MYO15B: variants seen among roughly 807,000 people sequenced by gnomAD.
MYO15B encodes the protein myosin XVB.
In MYO15B, 207 loss-of-function variants were observed where a neutral mutation model predicts 119.3. The ratio of observed to expected loss-of-function variants is 1.73; its 90% confidence interval spans 1.55 to 1.95. MYO15B has a LOEUF of 1.95. Ranked by LOEUF, MYO15B falls within the 30% of genes most tolerant of loss-of-function variation. The pLI is 0.00. For missense variants in MYO15B, 2,264 were observed against 1,203.1 expected, an observed-to-expected ratio of 1.88 and a Z score of -13.04; for synonymous variants, 966 against 498.9, an observed-to-expected ratio of 1.94 and a Z score of -12.48.
rs530754513 is a variant in MYO15B, at chr17:75,598,834, A to G, written c.3525+1935A>G. Among the ~76,000 whole-genome samples the G allele has an allele frequency of 7.9e-5, 12 of 151,390 alleles. No homozygotes were observed. The South Asian group carries it at 2.5e-3, about 32-fold the overall frequency. ...CGAGTGTCTTTGAGGTCCCAAGATC[A>G]CTTTTGGAATCCCCCAGCATGGATT... On this transcript the variant is annotated intron_variant, in intron 14 of 63. Coordinates refer to ENST00000645453, the Ensembl canonical transcript of MYO15B.
intron 14 of MYO15B, among the ~76,000 whole-genome samples, chr17:75,597,197 G>A (rs11657018): frequency 0.21 from 32,300 of 152,182 alleles, 4,179 homozygotes; most frequent in Non-Finnish European, 0.3. Context: ...GCAAGGTGGC[G>A]GGGACTGCAC....
chr17:75,608,742 T>C (rs2057813796), intron 21 of MYO15B, among the ~76,000 whole-genome samples: 1 of 151,534 alleles, frequency 6.6e-6, no homozygotes, highest in South Asian at 2.1e-4. Context: ...GTTGTTGTTG[T>C]TTTTCTTTTG....
chr17:75,624,063 A>C, exon 55 of MYO15B: 1 of 703,068 alleles, frequency 1.4e-6, no homozygotes, highest in Non-Finnish European at 2.6e-6. Context: ...GCCCCAGCCA[A>C]GGTGCCCGTG....
At position 75,623,772 on chromosome 17, in the gene MYO15B, T is replaced by C; in HGVS notation, c.8083-9T>C. The stretch of plus-strand genomic sequence containing the variant: ...TCCCTCACCCCACCTGCCCTTCCTG[T>C]CCCCACAGCTGTGCCAGCAGGAGAA... On this transcript the variant is annotated splice_polypyrimidine_tract_variant and intron_variant, in intron 53 of 63. Transcript: ENST00000645453. The C allele has an allele frequency of 1.4e-6, 1 of 703,088 alleles. No individual in the cohort carries two copies. The allele number at this position is 703,088 out of a possible 1,614,324, so 43.6% of individuals were successfully genotyped here.
chr17:75,613,171 C>G, exon 27 of MYO15B: 2 of 701,018 alleles, frequency 2.9e-6, no homozygotes, highest in Non-Finnish European at 5.2e-6. Context: ...TGCTCAGCGC[C>G]TTTCCCCCAC....
At chr17:75,592,714 C>G in exon 9 of MYO15B, 2 of 701,914 alleles carry the variant, frequency 2.8e-6, no homozygotes, top group South Asian at 1.5e-5. Flanking sequence ...AGGAGGATGC[C>G]CAGGACTTTG....
chr17:75,618,562 T>C (rs144150658), intron 43 of MYO15B, among the ~76,000 whole-genome samples: 3,336 of 152,278 alleles, frequency 0.022, 101 homozygotes, highest in African/African-American at 0.071. Context: ...GGCAGGAGAA[T>C]TGCTTGAACC....
chr17:75,592,641 G>A lies in MYO15B; in HGVS notation c.2830-38G>A, dbSNP rs1205472225. 4.5e-6 allele frequency: 3 copies of A among 672,180 alleles called. No individual in the cohort carries two copies. In the Admixed American group the frequency reaches 6.3e-5, roughly 14 times the overall value. 41.6% of individuals were successfully genotyped at this position (672,180 alleles called of 1,614,324 possible). On this transcript the variant is annotated intron_variant, in intron 8 of 63. Transcript: ENST00000645453. The stretch of plus-strand genomic sequence containing the variant: ...CCGGAGTAGAGGGAGGCTATGGGGT[G>A]GCAGGCCCCGCTCCCTCACCCCTGC...
chr17:75,619,984 G>A (rs1281503062), exon 47 of MYO15B: 5 of 702,632 alleles, frequency 7.1e-6, no homozygotes, highest in Admixed American at 2.0e-5. Flanking sequence ...GGGCCATCGA[G>A]GCGCTGGTTG....
chr17:75,625,160 G>C, exon 60 of MYO15B: 1 of 702,208 alleles, frequency 1.4e-6, no homozygotes. Flanking sequence ...CTGCCAGTCA[G>C]CGCCAAGGCA....
In MYO15B at chr17:75,607,932, C is replaced by G. The variant is rs185780109; in HGVS notation, c.4292+1911C>G. ...GCAATGTACAAGGGTTCCAGTTTCTCTACATCCTTGCCAGTACTTATTCTT... is the reference window on the plus strand; with the variant it reads ...GCAATGTACAAGGGTTCCAGTTTCTGTACATCCTTGCCAGTACTTATTCTT... On this transcript the variant is annotated intron_variant, in intron 21 of 63. Transcript: ENST00000645453. 3.3e-3 allele frequency among the ~76,000 whole-genome samples: 495 copies of G among 152,298 alleles called. 1 individual carries two copies. Among genetic ancestry groups the G allele is most frequent in the Non-Finnish European group, 4.8e-3 (325 of 68,012 alleles).
chr17:75,601,478 A>T lies in MYO15B; in HGVS notation c.3566A>T (p.His1189Leu), dbSNP rs773592194. The change falls in exon 15 of 64, where the codon CAT (histidine) becomes CTT (leucine). Residue 1189 changes from histidine to leucine, a missense_variant. By Grantham distance (99) the His-to-Leu change is moderately conservative. Coordinates refer to ENST00000645453, the Ensembl canonical transcript of MYO15B. ...TTCCTCCAGAAGAGCCACTATCACC[A>T]TGGTGACCACCCCAGCTATGCCAAG... is the stretch of plus-strand genomic sequence containing the variant. 3.7e-5 allele frequency: 26 copies of T among 702,954 alleles called. No individual in the cohort carries two copies. The African/African-American group carries it at 4.0e-4, about 11-fold the overall frequency. 43.5% of individuals were successfully genotyped at this position (702,954 alleles called of 1,614,324 possible).
intron 42 of MYO15B, 69 bp from the exon 43 acceptor site, chr17:75,618,057 G>A: frequency 1.4e-6 from 1 of 696,802 alleles, no homozygotes; most frequent in East Asian, 2.7e-5. Context: ...TCCAGGCCTG[G>A]GAGGGCAGAG....
At chr17:75,591,149 G>A in intron 3 of MYO15B, 23 bp from the exon 4 acceptor site, 1 of 702,846 alleles carries the variant, frequency 1.4e-6, no homozygotes, top group Non-Finnish European at 2.6e-6. Context: ...CCCCATGTCT[G>A]GCAACCTTCT....
Position 75,624,067 on chromosome 17 carries a change from G to A in MYO15B, c.8272+3G>A, listed in dbSNP as rs1216077907. On this transcript the variant is annotated splice_donor_region_variant and intron_variant, in intron 55 of 63. Coordinates refer to ENST00000645453, the Ensembl canonical transcript of MYO15B. ...GCAGGATTCAGGCCCCAGCCAAGGT[G>A]CCCGTGGGAAGGGGAGATGGAGGAG... 2.8e-6 allele frequency: 2 copies of A among 703,004 alleles called. No homozygotes were observed. The highest frequency in any genetic ancestry group is 2.7e-5 in the East Asian group (1 of 37,302). The allele number at this position is 703,004 out of a possible 1,614,324, so 43.5% of individuals were successfully genotyped here.
chr17:75,605,937 A>G (rs1221694646), exon 21 of MYO15B: 6 of 702,560 alleles, frequency 8.5e-6, no homozygotes, highest in Admixed American at 2.0e-5. Context: ...GCCCTGGTCG[A>G]CCTGCACCGC....
intron 12 of MYO15B, among the ~76,000 whole-genome samples, chr17:75,595,788 C>T (rs2056819294): frequency 6.6e-6 from 1 of 152,224 alleles, no homozygotes; most frequent in Non-Finnish European, 1.5e-5. Flanking sequence ...GAGAGTCCCC[C>T]AGTCTCTCTC....
chr17:75,624,256 T>G (rs1568234068), exon 56 of MYO15B: 1 of 702,852 alleles, frequency 1.4e-6, no homozygotes, highest in East Asian at 2.7e-5. Flanking sequence ...CCGGGTGAAA[T>G]GAAGGCTTTC....
At chr17:75,615,405 G>A in intron 34 of MYO15B, 67 bp downstream of exon 34, 2 of 684,934 alleles carry the variant, frequency 2.9e-6, no homozygotes, top group African/African-American at 1.8e-5. Flanking sequence ...GGGACTGGAG[G>A]AGGGAGGGTC....
Sources: gnomAD v4.1 joint callset for allele counts (sites outside exome capture counted in the v4.1 genomes callset) on GRCh38, gnomAD v4.1.1 for gene constraint, MANE v1.5 for transcripts, NCBI Gene and HGNC (gene_info 2026-07-23, HGNC 2026-07-21) for gene names.